RELCH: variants seen among roughly 807,000 people sequenced by gnomAD.
The protein encoded by RELCH is RAB11-binding protein RELCH.
RELCH carries 41 observed loss-of-function variants against 150.3 expected under a neutral mutation model. The observed-to-expected ratio is 0.27, with a 90% CI of 0.21 to 0.35. The LOEUF (loss-of-function observed/expected upper bound fraction) is 0.35. Among genes scored for constraint, RELCH ranks in the 10% least tolerant of loss-of-function variants. The pLI is 1.00. For missense variants in RELCH, 1,092 were observed against 1,467.8 expected (o/e 0.74, Z 4.18); for synonymous variants, 478 against 531.8 (o/e 0.90, Z 1.39).
intron 27 of RELCH, among the ~76,000 whole-genome samples, chr18:62,296,157 C>T (rs1182641191): frequency 6.6e-6 from 1 of 152,130 alleles, no homozygotes; most frequent in Non-Finnish European, 1.5e-5. Context: ...AAAGAATATA[C>T]ATTCTGTCAT....
At chr18:62,202,436 C>T (rs547482323) in intron 1 of RELCH, among the ~76,000 whole-genome samples, 59 of 152,134 alleles carry the variant, frequency 3.9e-4, no homozygotes, top group African/African-American at 1.4e-3. Context: ...TTCTTTCTGA[C>T]AAGATGGAGT....
At chr18:62,212,039 T>G (rs565340659) in intron 2 of RELCH, among the ~76,000 whole-genome samples, 1 of 152,298 alleles carries the variant, frequency 6.6e-6, no homozygotes, top group East Asian at 1.9e-4. Flanking sequence ...TCTTCCTCCC[T>G]TCCCATCCCC....
At chr18:62,254,630 A>G (rs1568385702) in intron 12 of RELCH, 1 of 152,140 alleles carries the variant, frequency 6.6e-6, no homozygotes, top group Non-Finnish European at 1.5e-5. Context: ...GGATCTATCT[A>G]GCCGCCTACC....
intron 1 of RELCH, among the ~76,000 whole-genome samples, chr18:62,195,072 A>T (rs143475908): frequency 1.3e-5 from 2 of 152,222 alleles, no homozygotes; most frequent in East Asian, 1.9e-4. Flanking sequence ...AAAACATTCA[A>T]ATATGAACAG....
chr18:62,266,247 G>T (rs922741571), intron 18 of RELCH, among the ~76,000 whole-genome samples: 1 of 151,600 alleles, frequency 6.6e-6, no homozygotes, highest in African/African-American at 2.4e-5. Flanking sequence ...ATCACAGGAT[G>T]AATATGTTAC....
At chr18:62,251,958 G>A (rs985810840) in intron 11 of RELCH, among the ~76,000 whole-genome samples, 4 of 151,950 alleles carry the variant, frequency 2.6e-5, no homozygotes, top group African/African-American at 4.8e-5. Flanking sequence ...GGTTCTTGGT[G>A]GCAGCTTAGG....
intron 27 of RELCH, among the ~76,000 whole-genome samples, chr18:62,293,327 A>G (rs2045248078): frequency 6.6e-6 from 1 of 152,196 alleles, no homozygotes; most frequent in African/African-American, 2.4e-5. Flanking sequence ...TATGTAGGAG[A>G]GACCATAAGG....
At chr18:62,280,815 C>A in intron 24 of RELCH, 106 bp downstream of exon 24, 1 of 742,750 alleles carries the variant, frequency 1.3e-6, no homozygotes, top group East Asian at 2.7e-5. Context: ...ATTTTGTGCC[C>A]TAGTTAGTTA....
intron 18 of RELCH, among the ~76,000 whole-genome samples, chr18:62,265,325 A>C (rs1394810448): frequency 6.6e-6 from 1 of 152,050 alleles, no homozygotes; most frequent in Non-Finnish European, 1.5e-5. Flanking sequence ...CTGGAGATAA[A>C]TTCTACATGT....
At chr18:62,256,076 A>G (rs2042979699) in intron 13 of RELCH, among the ~76,000 whole-genome samples, 1 of 152,126 alleles carries the variant, frequency 6.6e-6, no homozygotes, top group Admixed American at 6.6e-5. Flanking sequence ...AAGTACTCAT[A>G]TAAAAACCCT....
rs1568345253 is a variant in RELCH at position 62,227,604 on chromosome 18, A to G, written c.1069A>G (p.Met357Val). ...TCTCCTGTTTTGATTTTAGAACTCC[A>G]TGTTAGTACAGAAATTAGAAGATAA... Reference protein sequence around the residue: ...LETPQPAENSMLVQKLEDKIS... With the variant: ...LETPQPAENSVLVQKLEDKIS... Residue 357 changes from methionine to valine, a missense_variant, in exon 7 of 29, where the codon ATG (methionine) becomes GTG (valine). By Grantham distance (21) the Met-to-Val change is conservative. This residue lies in a region of RELCH where 707 missense variants were observed against 1,025.4 expected (regional missense o/e 0.69). Coordinates refer to ENST00000644646, the MANE Select transcript of RELCH (RefSeq NM_001346231.2). 6.5e-7 allele frequency: 1 copy of G among 1,541,598 alleles called. No homozygotes were observed.
At chr18:62,216,614 G>A (rs755175952) in intron 2 of RELCH, among the ~76,000 whole-genome samples, 1 of 152,030 alleles carries the variant, frequency 6.6e-6, no homozygotes, top group Non-Finnish European at 1.5e-5. Flanking sequence ...TTTGCTGAGT[G>A]CCCTCTCTAT....
intron 2 of RELCH, 82 bp downstream of exon 2, chr18:62,211,324 A>C: frequency 1.2e-6 from 1 of 830,568 alleles, no homozygotes. Context: ...TTTTCCTTCT[A>C]CAGTTTGGTA....
chr18:62,259,750 A>G (rs1393782347), intron 15 of RELCH, among the ~76,000 whole-genome samples: 1 of 152,038 alleles, frequency 6.6e-6, no homozygotes, highest in Admixed American at 6.6e-5. Context: ...TCAAAGCAGT[A>G]GTAACCAAAC....
intron 10 of RELCH, among the ~76,000 whole-genome samples, chr18:62,242,284 G>A (rs756408834): frequency 1.4e-4 from 22 of 152,160 alleles, no homozygotes; most frequent in Non-Finnish European, 3.1e-4. Flanking sequence ...ATTAAGAAAA[G>A]TGAAAAATAT....
chr18:62,302,065 A>G (rs2045688134), intron 28 of RELCH, among the ~76,000 whole-genome samples: 1 of 152,212 alleles, frequency 6.6e-6, no homozygotes, highest in African/African-American at 2.4e-5. Flanking sequence ...AGTGTATGGC[A>G]GTGAATATGA....
At chr18:62,190,163 T>TA (rs1428929391) in intron 1 of RELCH, among the ~76,000 whole-genome samples, 5 of 152,258 alleles carry the variant, frequency 3.3e-5, no homozygotes, top group Admixed American at 2.6e-4. Context: ...AACATAGTCT[T>TA]ATACAGGCAC....
At chr18:62,283,812 G>A (rs1420168579) in intron 25 of RELCH, among the ~76,000 whole-genome samples, 2 of 152,196 alleles carry the variant, frequency 1.3e-5, no homozygotes, top group Non-Finnish European at 2.9e-5. Context: ...TCTGAGGCAA[G>A]GAGACCAACT....
At chr18:62,197,214 A>G (rs779796698) in intron 1 of RELCH, among the ~76,000 whole-genome samples, 1 of 152,236 alleles carries the variant, frequency 6.6e-6, no homozygotes, top group African/African-American at 2.4e-5. Flanking sequence ...CAAAAATACA[A>G]TATGACATTT....
Sources: allele counts gnomAD v4.1 joint callset (sites outside exome capture counted in the v4.1 genomes callset), GRCh38; gene constraint gnomAD v4.1.1; regional missense constraint gnomAD v4.1.1; transcripts MANE v1.5; gene names NCBI Gene and HGNC (gene_info 2026-07-23, HGNC 2026-07-21).